The following EPHA6 variants were observed in gnomAD, a reference collection of about 807,000 sequenced individuals.
EPHA6 encodes the protein ephrin type-A receptor 6.
EPHA6 carries 50 observed loss-of-function variants against 112.0 expected under a neutral mutation model. The observed-to-expected ratio is 0.45, with a 90% CI of 0.36 to 0.56. EPHA6 has a LOEUF of 0.56. EPHA6 is among the 20% of genes least tolerant of loss of function. The probability of loss-of-function intolerance (pLI) is 0.00; values close to 1 mark genes in which losing one functional copy is unlikely to be tolerated. For missense variants in EPHA6, 1,280 were observed against 1,417.4 expected (o/e 0.90, Z 1.56); for synonymous variants, 529 against 490.7 (o/e 1.08, Z -1.03).
At chr3:97,384,407 G>T (rs1481910748) in intron 5 of EPHA6, among the ~76,000 whole-genome samples, 1 of 152,194 alleles carries the variant, frequency 6.6e-6, no homozygotes, top group Non-Finnish European at 1.5e-5. Flanking sequence ...TTACAGCACT[G>T]TGCTGCCATA....
chr3:96,829,556 C>G (rs536883793), intron 1 of EPHA6, among the ~76,000 whole-genome samples: 1 of 152,212 alleles, frequency 6.6e-6, no homozygotes, highest in African/African-American at 2.4e-5. Context: ...GTGGTCATTT[C>G]CTTGCCCTCC....
chr3:96,825,409 A>G (rs1333011595), intron 1 of EPHA6, among the ~76,000 whole-genome samples: 1 of 151,894 alleles, frequency 6.6e-6, no homozygotes, highest in Non-Finnish European at 1.5e-5. Context: ...TTAGATGAAC[A>G]TAAAATTGAC....
chr3:96,976,449 CTTA>C (rs777090198), intron 2 of EPHA6, among the ~76,000 whole-genome samples: 1 of 151,976 alleles, frequency 6.6e-6, no homozygotes, highest in Admixed American at 6.6e-5. Context: ...TTAATTAATG[CTTA>C]TTAACACATG....
intron 6 of EPHA6, among the ~76,000 whole-genome samples, chr3:97,407,540 A>C (rs1283612156): frequency 1.3e-5 from 2 of 151,806 alleles, no homozygotes. Flanking sequence ...AAGAAAACAT[A>C]TTGCTTTATG....
At chr3:97,484,175 G>C (rs945140744) in intron 10 of EPHA6, 116 bp downstream of exon 10, 3 of 858,596 alleles carry the variant, frequency 3.5e-6, no homozygotes, top group Non-Finnish European at 5.0e-6. Flanking sequence ...TTTAACAAGT[G>C]AGAAGTAAAG....
intron 5 of EPHA6, among the ~76,000 whole-genome samples, chr3:97,303,520 C>T (rs1173878824): frequency 3.9e-5 from 6 of 152,014 alleles, no homozygotes; most frequent in Non-Finnish European, 8.8e-5. Context: ...AGAAGTCCCA[C>T]GACAGGCTGT....
chr3:97,091,225 AT>A (rs66971904), intron 3 of EPHA6, among the ~76,000 whole-genome samples: 2,287 of 152,228 alleles, frequency 0.015, 48 homozygotes, highest in African/African-American at 0.053. Flanking sequence ...TCTCTATATG[AT>A]ATGGAAAATT....
chr3:97,506,134 G>T (rs1200978834), intron 10 of EPHA6, among the ~76,000 whole-genome samples: 1 of 152,088 alleles, frequency 6.6e-6, no homozygotes. Flanking sequence ...TCCATAGGTT[G>T]CCTGTTCACT....
intron 3 of EPHA6, among the ~76,000 whole-genome samples, chr3:96,991,559 A>G (rs1023637539): frequency 3.9e-5 from 6 of 152,164 alleles, no homozygotes; most frequent in Non-Finnish European, 4.4e-5. Flanking sequence ...ATAGCACAAG[A>G]GTGAATACCT....
Position 96,878,321 on chromosome 3 carries a change from A to G in EPHA6, c.450+11432A>G, listed in dbSNP as rs151040184. ...ATATGCCTGGAAAATAGAGAGAGAG[A>G]GGGGGAGACAGAAAGATTGAGAGAG... On this transcript the variant is annotated intron_variant, in intron 2 of 17. Coordinates refer to ENST00000389672, the MANE Select transcript of EPHA6 (RefSeq NM_001080448.3). Among the ~76,000 whole-genome samples the G allele has an allele frequency of 6.5e-3, 980 of 151,834 alleles. 7 individuals are homozygous for G. The highest frequency in any genetic ancestry group is 0.021 in the African/African-American group (884 of 41,470).
chr3:97,175,791 C>G (rs2076819718), intron 3 of EPHA6, among the ~76,000 whole-genome samples: 1 of 151,466 alleles, frequency 6.6e-6, no homozygotes, highest in African/African-American at 2.4e-5. Context: ...TCTTGTGTTT[C>G]TTTTCTAACA....
intron 5 of EPHA6, among the ~76,000 whole-genome samples, chr3:97,328,157 T>C (rs2082577690): frequency 6.6e-6 from 1 of 150,712 alleles, no homozygotes; most frequent in Non-Finnish European, 1.5e-5. Flanking sequence ...AAAACAGCTA[T>C]GTACATTTAT....
At position 97,749,835 on chromosome 3, in the gene EPHA6, A is replaced by G. The variant is rs1463040294; in HGVS notation, c.*1134A>G. On this transcript the variant is annotated 3_prime_UTR_variant, in exon 18 of 18. Transcript: ENST00000389672. ...ATGTTTTCTTTGCAAAAATAGTTAC[A>G]TGAACATGCTGAGCTCTTTTCGAAA... is the stretch of plus-strand genomic sequence containing the variant. 6.6e-6 allele frequency among the ~76,000 whole-genome samples: 1 copy of G among 152,208 alleles called. No homozygotes were observed. Among genetic ancestry groups the G allele is most frequent in the Non-Finnish European group, 1.5e-5 (1 of 68,036 alleles).
chr3:97,279,239 T>C (rs906772396), intron 5 of EPHA6, among the ~76,000 whole-genome samples: 6 of 152,164 alleles, frequency 3.9e-5, no homozygotes. Context: ...AAACATGGTA[T>C]TTTTTAATCT....
chr3:97,121,364 G>C (rs568444831), intron 3 of EPHA6, among the ~76,000 whole-genome samples: 1 of 152,102 alleles, frequency 6.6e-6, no homozygotes, highest in Non-Finnish European at 1.5e-5. Flanking sequence ...GATAGAAGAG[G>C]TTGTCTTACA....
At chr3:97,448,762 G>C (rs376792374) in intron 7 of EPHA6, 32 bp downstream of exon 7, 38 of 1,605,568 alleles carry the variant, frequency 2.4e-5, no homozygotes, top group Non-Finnish European at 3.2e-5. Context: ...AACATAAGAT[G>C]TGAATTTAGT....
At chr3:96,975,027 A>G (rs368127103) in intron 2 of EPHA6, among the ~76,000 whole-genome samples, 2 of 152,266 alleles carry the variant, frequency 1.3e-5, no homozygotes, top group South Asian at 2.1e-4. Flanking sequence ...GTGAGGGGCA[A>G]TCTAGGCTAG....
At chr3:97,599,003 T>G (rs949745467) in intron 12 of EPHA6, among the ~76,000 whole-genome samples, 6 of 152,138 alleles carry the variant, frequency 3.9e-5, no homozygotes, top group Admixed American at 3.3e-4. Flanking sequence ...GATTTGCATT[T>G]CTCTGATGAC....
At chr3:97,325,802 C>T (rs930218357) in intron 5 of EPHA6, among the ~76,000 whole-genome samples, 6 of 152,170 alleles carry the variant, frequency 3.9e-5, no homozygotes, top group Admixed American at 2.0e-4. Context: ...TGCCTAGTTA[C>T]GTTAAAACCA....
Sources: gnomAD v4.1 joint callset for allele counts (sites outside exome capture counted in the v4.1 genomes callset) on GRCh38, gnomAD v4.1.1 for gene constraint, MANE v1.5 for transcripts, NCBI Gene and HGNC (gene_info 2026-07-23, HGNC 2026-07-21) for gene names.